Variants in PTPDC1 observed in about 807,000 individuals in gnomAD.
PTPDC1 encodes protein tyrosine phosphatase domain-containing protein 1.
In PTPDC1, 53 loss-of-function variants were observed where a neutral mutation model predicts 75.3. The observed-to-expected ratio is 0.70, with a 90% CI of 0.56 to 0.88. The LOEUF is 0.88. Ranked by LOEUF, PTPDC1 falls within the 40% of genes least tolerant of loss-of-function variation. The pLI, the probability that PTPDC1 is intolerant of heterozygous loss-of-function variation, is 0.00. For synonymous variants in PTPDC1, 349 were observed against 366.2 expected (o/e 0.95, Z 0.54); for missense variants, 925 against 998.6 (o/e 0.93, Z 0.99).
rs200087396 is a variant in PTPDC1 at position 94,084,654 on chromosome 9, G to A, written c.124G>A (p.Gly42Ser). 3.7e-6 allele frequency: 6 copies of A among 1,613,426 alleles called. No individual in the cohort carries two copies. The Admixed American group carries it at 1.0e-4, about 27-fold the overall frequency. ...GCTGCAGCAGGCCCGGCGGGGCTCT[G>A]GCTTGGGCTCCGGCTCTGCCACGAA... ...LRLQQARRGSGLGSGSATKLL... is the reference protein window; with the variant it reads ...LRLQQARRGSSLGSGSATKLL... The change falls in exon 1 of 9, where the codon GGC becomes AGC. Residue 42 changes from glycine (G) to serine (S), a missense_variant. Gly to Ser is a moderately conservative substitution (Grantham distance 56). Transcript: ENST00000620992.
At chr9:94,050,909 A>G (rs564376394) in intron 1 of PTPDC1, among the ~76,000 whole-genome samples, 1 of 152,302 alleles carries the variant, frequency 6.6e-6, no homozygotes, top group Admixed American at 6.5e-5. Context: ...AGCCTTGGCA[A>G]TGGCGGGCGC....
chr9:94,061,109 G>A (rs140845283), intron 1 of PTPDC1, among the ~76,000 whole-genome samples: 1 of 152,256 alleles, frequency 6.6e-6, no homozygotes, highest in East Asian at 1.9e-4. Context: ...GGGGATATAG[G>A]CATGGGGTAA....
At chr9:94,082,626 A>G (rs745619210), upstream of PTPDC1, among the ~76,000 whole-genome samples, 3 of 152,176 alleles carry the variant, frequency 2.0e-5, no homozygotes, top group Non-Finnish European at 2.9e-5. Context: ...CATCAATGCA[A>G]GGTATATTCA....
At chr9:94,103,621 T>C (rs1827919411) in intron 7 of PTPDC1, among the ~76,000 whole-genome samples, 1 of 152,218 alleles carries the variant, frequency 6.6e-6, no homozygotes, top group Non-Finnish European at 1.5e-5. Context: ...AGAGTAGATT[T>C]TCAGAGTTGA....
chr9:94,042,372 G>T (rs1825450417), intron 1 of PTPDC1, among the ~76,000 whole-genome samples: 1 of 152,112 alleles, frequency 6.6e-6, no homozygotes, highest in African/African-American at 2.4e-5. Flanking sequence ...ATGCCTCAGA[G>T]ATATTGCAGG....
At chr9:94,083,781 G>A (rs1319207819), upstream of PTPDC1, among the ~76,000 whole-genome samples, 1 of 152,154 alleles carries the variant, frequency 6.6e-6, no homozygotes, top group African/African-American at 2.4e-5. Flanking sequence ...GCAGAGAATG[G>A]TGTTTTGAGT....
At chr9:94,106,895 G>A (rs927395130) in intron 8 of PTPDC1, among the ~76,000 whole-genome samples, 5 of 152,082 alleles carry the variant, frequency 3.3e-5, no homozygotes, top group African/African-American at 4.8e-5. Context: ...TAAATAGTGC[G>A]CTCCCATCAA....
upstream of PTPDC1, among the ~76,000 whole-genome samples, chr9:94,081,718 T>C (rs1826889232): frequency 6.6e-6 from 1 of 151,928 alleles, no homozygotes; most frequent in Non-Finnish European, 1.5e-5. Context: ...CACGTGGAGA[T>C]GGCAGGTGTA....
rs781758001 is a variant in PTPDC1 at position 94,097,737 on chromosome 9, C to CTGAGGCATGACAGTGA, written c.1174_1189dup (p.Val397GlufsTer3). The CTGAGGCATGACAGTGA allele has an allele frequency of 6.1e-5, 98 of 1,614,100 alleles. No individual in the cohort carries two copies. Among genetic ancestry groups the CTGAGGCATGACAGTGA allele is most frequent in the Non-Finnish European group, 8.1e-5 (96 of 1,180,066 alleles). Reference sequence around the variant, plus strand: ...CACCATGCAGCTGGATAAAGAGTTACTGAGGCATGACAGTGATGTGTCCAA... The same window carrying CTGAGGCATGACAGTGA: ...CACCATGCAGCTGGATAAAGAGTTACTGAGGCATGACAGTGATGAGGCATGACAGTGATGTGTCCAA... On this transcript the variant is annotated frameshift_variant, in exon 6 of 9. Transcript: ENST00000620992. LOFTEE classifies it high-confidence loss of function.
At chr9:94,050,588 G>T (rs565856953) in intron 1 of PTPDC1, among the ~76,000 whole-genome samples, 1 of 152,328 alleles carries the variant, frequency 6.6e-6, no homozygotes, top group African/African-American at 2.4e-5. Context: ...TGTCTCAGAG[G>T]AGTACCCGAC....
chr9:94,083,860 A>G (rs1826972614), upstream of PTPDC1, among the ~76,000 whole-genome samples: 1 of 152,252 alleles, frequency 6.6e-6, no homozygotes, highest in Non-Finnish European at 1.5e-5. Context: ...TTATATTCTG[A>G]AAATGAACAC....
At chr9:94,030,844 C>T (rs1382562560) in exon 1 of PTPDC1, 1 of 152,226 alleles carries the variant, frequency 6.6e-6, no homozygotes, top group African/African-American at 2.4e-5. Flanking sequence ...GCAGGGGCGC[C>T]CCGCCACGGG....
In PTPDC1 at chr9:94,084,850, A is replaced by T. The variant is rs373355379; in HGVS notation, c.244+76A>T. ...TGGGAATCAGCTGTGTTGTGTTTATACCTTTTTAAATATTGGCAGTTTATT... is the reference window on the plus strand; with the variant it reads ...TGGGAATCAGCTGTGTTGTGTTTATTCCTTTTTAAATATTGGCAGTTTATT... On this transcript the variant is annotated intron_variant, in intron 1 of 8. Transcript: ENST00000620992. 1.2e-4 allele frequency: 127 copies of T among 1,078,958 alleles called. No homozygotes were observed. In the East Asian group the frequency reaches 3.1e-3, roughly 26 times the overall value. The allele number at this position is 1,078,958 out of a possible 1,614,324, so 66.8% of individuals were successfully genotyped here.
Position 94,064,886 on chromosome 9 carries a change from A to G in PTPDC1, c.82+65A>G, listed in dbSNP as rs565879966. The stretch of plus-strand genomic sequence containing the variant: ...GCTGGCATTTAATAAAAGTAGCTAT[A>G]TGAATGGACACAAAAGAAAAGGCTC... On this transcript the variant is annotated intron_variant, in intron 2 of 9. Transcript: ENST00000375360. 4 of 1,172,912 alleles carry G rather than the reference A, an allele frequency of 3.4e-6. No homozygotes were observed. In the African/African-American group the frequency reaches 4.6e-5, roughly 14 times the overall value. 72.7% of individuals were successfully genotyped at this position (1,172,912 alleles called of 1,614,324 possible). A position where few individuals can be genotyped will look rare whatever the true frequency, so the allele number is the denominator to read the frequency against.
chr9:94,101,469 T>G lies in PTPDC1; in HGVS notation c.2014-97T>G. On this transcript the variant is annotated intron_variant, in intron 6 of 8. Transcript: ENST00000620992. ...CTGGAGCCTGAGTCTTTCACTCTTG[T>G]GGGCAGCGCAAGAATCATGCAGTGT... 3 of 871,006 alleles carry G rather than the reference T, an allele frequency of 3.4e-6. No homozygotes were observed. The South Asian group carries it at 5.4e-5, about 16-fold the overall frequency. The allele number at this position is 871,006 out of a possible 1,614,324, so 54.0% of individuals were successfully genotyped here. A position where few individuals can be genotyped will look rare whatever the true frequency, so the allele number is the denominator to read the frequency against.
chr9:94,069,823 C>CT (rs763640631), intron 2 of PTPDC1, among the ~76,000 whole-genome samples: 11,263 of 108,194 alleles, frequency 0.1, 827 homozygotes, highest in East Asian at 0.14. Context: ...CCAATACTTT[C>CT]TTTTTTTTTT....
At chr9:94,061,711 A>G (rs1307485612) in intron 1 of PTPDC1, among the ~76,000 whole-genome samples, 3 of 152,190 alleles carry the variant, frequency 2.0e-5, no homozygotes, top group Non-Finnish European at 4.4e-5. Context: ...GGCCCATTTT[A>G]GCTACAGCTG....
At chr9:94,057,380 A>G (rs1468827885) in intron 1 of PTPDC1, among the ~76,000 whole-genome samples, 4 of 152,150 alleles carry the variant, frequency 2.6e-5, no homozygotes, top group Non-Finnish European at 5.9e-5. Flanking sequence ...CACTGCATGC[A>G]GCCCATTACT....
intron 1 of PTPDC1, among the ~76,000 whole-genome samples, chr9:94,060,073 G>A (rs981840385): frequency 2.0e-5 from 3 of 152,148 alleles, no homozygotes; most frequent in Non-Finnish European, 4.4e-5. Flanking sequence ...CCAAGCTGAT[G>A]AGGAGATCTA....
Sources: allele counts gnomAD v4.1 joint callset (sites outside exome capture counted in the v4.1 genomes callset), GRCh38; gene constraint gnomAD v4.1.1; transcripts MANE v1.5; gene names NCBI Gene and HGNC (gene_info 2026-07-23, HGNC 2026-07-21).